Variants in STS observed in about 807,000 individuals in gnomAD.
STS encodes the protein steroid sulfatase.
In STS, 7 loss-of-function variants were observed where a neutral mutation model predicts 26.8. The ratio of observed to expected loss-of-function variants is 0.26; its 90% CI spans 0.15 to 0.49. The LOEUF (loss-of-function observed/expected upper bound fraction) is 0.49, where lower values mean the gene tolerates loss of function less well. Among genes scored for constraint, STS ranks in the 20% least tolerant of loss-of-function variants. The pLI, the probability that STS is intolerant of heterozygous loss-of-function variation, is 0.98. For synonymous variants in STS, 199 were observed against 189.4 expected (o/e 1.05, Z -0.42); for missense variants, 434 against 465.6 (o/e 0.93, Z 0.63).
intron 9 of STS, among the ~76,000 whole-genome samples, chrX:7,327,055 G>A (rs746924746): frequency 8.9e-6 from 1 of 111,836 alleles, no homozygotes; most frequent in South Asian, 3.8e-4. Context: ...ATTGTATTGA[G>A]CGACGCTTAT....
chrX:7,333,491 G>T (rs1436629803), intron 9 of STS, among the ~76,000 whole-genome samples: 1 of 112,034 alleles, frequency 8.9e-6, no homozygotes, highest in Admixed American at 9.5e-5. Flanking sequence ...ATTCATTGCA[G>T]TCTACGAATC....
At chrX:7,273,940 C>T (rs1194730712) in intron 6 of STS, among the ~76,000 whole-genome samples, 6 of 111,353 alleles carry the variant, frequency 5.4e-5, no homozygotes, top group African/African-American at 2.0e-4. Flanking sequence ...ATGGGACTTC[C>T]TGGAAAAGGG....
At chrX:7,348,673 C>CA (rs1317115581) in intron 10 of STS, among the ~76,000 whole-genome samples, 3 of 112,027 alleles carry the variant, frequency 2.7e-5, no homozygotes, top group Admixed American at 1.9e-4. Flanking sequence ...TTTTTCCTAG[C>CA]AATTTCAATA....
At chrX:7,201,777 A>G (rs895046730) in intron 2 of STS, among the ~76,000 whole-genome samples, 2 of 110,975 alleles carry the variant, frequency 1.8e-5, no homozygotes, top group Non-Finnish European at 3.8e-5. Context: ...ACTTTCAGCT[A>G]TTTGGGCTTC....
chrX:7,325,414 G>C lies in STS; in HGVS notation c.1157G>C (p.Gly386Ala), dbSNP rs780720545. Residue 386 changes from glycine (G) to alanine (A), a missense_variant, in exon 9 of 11, where the codon GGC (glycine) becomes GCC (alanine). This residue lies in a region of STS where 205 missense variants were observed against 177.3 expected (regional missense o/e 1.16). Transcript: ENST00000674429. ...ILRWPRVIQAGQKIDEPTSNM... is the reference protein window; with the variant it reads ...ILRWPRVIQAAQKIDEPTSNM... The stretch of plus-strand genomic sequence containing the variant: ...CGTTGGCCCAGGGTGATACAGGCTG[G>C]CCAGAAGATTGATGAGCCCACTAGC... 307 of 1,209,461 alleles carry C rather than the reference G, an allele frequency of 2.5e-4. 3 individuals are homozygous for C. In the South Asian group the frequency reaches 5.0e-3, roughly 20 times the overall value.
chrX:7,178,646 C>T (rs2147003671), intron 1 of STS, among the ~76,000 whole-genome samples: 1 of 112,616 alleles, frequency 8.9e-6, no homozygotes, highest in South Asian at 3.7e-4. Flanking sequence ...CCTTTCCTAA[C>T]AAACTTCTCA....
At chrX:7,172,146 A>C (rs1933480160) in intron 1 of STS, among the ~76,000 whole-genome samples, 1 of 111,639 alleles carries the variant, frequency 9.0e-6, no homozygotes, top group Non-Finnish European at 1.9e-5. Context: ...TTGTTTGAAC[A>C]CAGGTCATGT....
At chrX:7,340,347 A>G (rs1457252062) in intron 10 of STS, among the ~76,000 whole-genome samples, 1 of 111,903 alleles carries the variant, frequency 8.9e-6, no homozygotes, top group Non-Finnish European at 1.9e-5. Flanking sequence ...GTGTTTTCTA[A>G]ATAGACATTT....
At chrX:7,278,156 G>C (rs1924629303) in intron 7 of STS, among the ~76,000 whole-genome samples, 1 of 111,499 alleles carries the variant, frequency 9.0e-6, no homozygotes, top group South Asian at 3.7e-4. Context: ...TTTGTTTTTG[G>C]CGGAAAGATA....
chrX:7,162,773 G>A (rs755102523), intron 1 of STS, among the ~76,000 whole-genome samples: 3 of 107,131 alleles, frequency 2.8e-5, no homozygotes, highest in South Asian at 4.2e-4. Flanking sequence ...CTGGCCGGGC[G>A]CAGTGGCTCA....
intron 2 of STS, among the ~76,000 whole-genome samples, chrX:7,248,891 A>T (rs952186616): frequency 3.6e-5 from 4 of 110,716 alleles, no homozygotes; most frequent in East Asian, 2.9e-4. Flanking sequence ...GTACTTATTT[A>T]AAAAAAATAA....
At chrX:7,272,990 A>T (rs190298559) in intron 6 of STS, among the ~76,000 whole-genome samples, 1 of 110,677 alleles carries the variant, frequency 9.0e-6, no homozygotes, top group Non-Finnish European at 1.9e-5. Flanking sequence ...CTACTAAAAC[A>T]ATTACAGAAA....
chrX:7,179,527 A>G (rs1933642780), intron 1 of STS, among the ~76,000 whole-genome samples: 1 of 112,291 alleles, frequency 8.9e-6, no homozygotes, highest in African/African-American at 3.2e-5. Flanking sequence ...TATTCATAGG[A>G]TCTCCTGCAT....
chrX:7,166,594 A>G (rs892462968), intron 1 of STS, among the ~76,000 whole-genome samples: 112 of 112,274 alleles, frequency 1.0e-3, no homozygotes, highest in African/African-American at 3.4e-3. Flanking sequence ...AGGAACTTCC[A>G]ATTGCAAATT....
At chrX:7,329,567 G>T (rs776002988) in intron 9 of STS, among the ~76,000 whole-genome samples, 1 of 112,336 alleles carries the variant, frequency 8.9e-6, no homozygotes, top group African/African-American at 3.2e-5. Flanking sequence ...GCTCAGAGTG[G>T]TGCAAATAAG....
intron 2 of STS, among the ~76,000 whole-genome samples, chrX:7,226,960 G>A (rs1029956689): frequency 1.8e-5 from 2 of 111,718 alleles, no homozygotes; most frequent in Non-Finnish European, 3.8e-5. Flanking sequence ...TCCGTTTTTC[G>A]TTGTTTTGTT....
intron 8 of STS, among the ~76,000 whole-genome samples, chrX:7,320,000 TTTTATATATATATTTATATATA>T (rs1228853350): frequency 9.1e-5 from 8 of 87,635 alleles, no homozygotes; most frequent in Non-Finnish European, 1.4e-4. Context: ...ATATATATAT[TTTTATATATATATTTATATATA>T]TTTATATATA....
chrX:7,335,636 T>G (rs113020557), intron 10 of STS, among the ~76,000 whole-genome samples: 143 of 112,186 alleles, frequency 1.3e-3, no homozygotes, highest in African/African-American at 4.0e-3. Flanking sequence ...GTCAATTTTG[T>G]CTTTTGTTGC....
At chrX:7,255,826 T>A (rs1196478908) in intron 3 of STS, among the ~76,000 whole-genome samples, 1 of 112,330 alleles carries the variant, frequency 8.9e-6, no homozygotes, top group African/African-American at 3.2e-5. Flanking sequence ...TGGTCACTAG[T>A]TTGACATTAC....
Sources: gnomAD v4.1 joint callset for allele counts (sites outside exome capture counted in the v4.1 genomes callset) on GRCh38, gnomAD v4.1.1 for gene constraint, gnomAD v4.1.1 regional missense constraint, MANE v1.5 for transcripts, NCBI Gene and HGNC (gene_info 2026-07-23, HGNC 2026-07-21) for gene names.